Variants in CSMD1 observed in about 807,000 individuals in gnomAD.
The protein encoded by CSMD1 is CUB and Sushi multiple domains 1, also known as CUB and sushi domain-containing protein 1.
A neutral mutation model predicts 417.5 loss-of-function variants in CSMD1; 213 were observed. That is an observed-to-expected ratio of 0.51 (90% confidence interval 0.46 to 0.57). CSMD1 has a LOEUF of 0.57. CSMD1 is among the 20% of genes least tolerant of loss of function. CSMD1 has a pLI of 0.00. For missense variants in CSMD1, 6,923 were observed against 4,529.7 expected, an observed-to-expected ratio of 1.53 and a Z score of -15.17; for synonymous variants, 2,862 against 1,736.8, an observed-to-expected ratio of 1.65 and a Z score of -16.11.
chr8:4,748,663 G>C (rs1001053894), intron 1 of CSMD1, among the ~76,000 whole-genome samples: 52 of 152,136 alleles, frequency 3.4e-4, no homozygotes, highest in South Asian at 2.1e-4. Flanking sequence ...TAAATTTTTA[G>C]TCTAAAATTC....
At chr8:4,093,933 C>G (rs894955614) in intron 3 of CSMD1, among the ~76,000 whole-genome samples, 2 of 151,462 alleles carry the variant, frequency 1.3e-5, no homozygotes, top group Non-Finnish European at 2.9e-5. Flanking sequence ...ACGCTCCAAC[C>G]TGAGCAAAAG....
At chr8:4,931,649 A>G (rs1376879278) in intron 1 of CSMD1, among the ~76,000 whole-genome samples, 1 of 152,182 alleles carries the variant, frequency 6.6e-6, no homozygotes, top group Non-Finnish European at 1.5e-5. Context: ...CCTTTGGAAA[A>G]AGGGATTAGA....
intron 2 of CSMD1, among the ~76,000 whole-genome samples, chr8:4,542,608 T>C (rs1053653910): frequency 1.3e-5 from 2 of 152,208 alleles, no homozygotes; most frequent in African/African-American, 4.8e-5. Context: ...TTTTTCAATG[T>C]AACTTCTTCA....
chr8:3,874,278 C>T (rs551320865), intron 5 of CSMD1, among the ~76,000 whole-genome samples: 4 of 152,290 alleles, frequency 2.6e-5, no homozygotes, highest in African/African-American at 9.6e-5. Flanking sequence ...CTCAAGGTCC[C>T]TGTGTCCCTG....
At chr8:3,618,839 G>A (rs73491501) in intron 7 of CSMD1, among the ~76,000 whole-genome samples, 2,818 of 152,326 alleles carry the variant, frequency 0.018, 95 homozygotes, top group African/African-American at 0.065. Flanking sequence ...GTGCAGTTGA[G>A]AGGAAGCGGC....
At chr8:4,079,685 C>T (rs773936533) in intron 3 of CSMD1, among the ~76,000 whole-genome samples, 6 of 152,168 alleles carry the variant, frequency 3.9e-5, no homozygotes, top group Non-Finnish European at 7.3e-5. Flanking sequence ...TTAATTTATT[C>T]CTGTAGTAAA....
chr8:3,818,123 C>A (rs757075011), intron 5 of CSMD1, among the ~76,000 whole-genome samples: 20 of 152,072 alleles, frequency 1.3e-4, no homozygotes, highest in African/African-American at 4.3e-4. Flanking sequence ...AGCCCAGGAC[C>A]CAAAGAGAGT....
intron 2 of CSMD1, among the ~76,000 whole-genome samples, chr8:4,426,524 G>C (rs1018919637): frequency 6.8e-6 from 1 of 146,706 alleles, no homozygotes; most frequent in East Asian, 2.0e-4. Context: ...AAAGACTGTA[G>C]TATTTTATAC....
intron 8 of CSMD1, 30 bp from the exon 9 acceptor site, chr8:3,586,290 C>G: frequency 6.5e-7 from 1 of 1,533,522 alleles, no homozygotes; most frequent in Non-Finnish European, 8.7e-7. Context: ...AAAAAAAAAC[C>G]CAAATTATTT....
intron 23 of CSMD1, among the ~76,000 whole-genome samples, chr8:3,311,595 G>A (rs1805351082): frequency 6.6e-6 from 1 of 152,176 alleles, no homozygotes; most frequent in Non-Finnish European, 1.5e-5. Flanking sequence ...GACGATTTGT[G>A]CTAGTATTGA....
At chr8:4,654,769 C>G (rs933151383) in intron 1 of CSMD1, among the ~76,000 whole-genome samples, 1 of 152,000 alleles carries the variant, frequency 6.6e-6, no homozygotes, top group Non-Finnish European at 1.5e-5. Flanking sequence ...TTTTGGGTCC[C>G]TTCTGTGTAC....
rs1192790360 is a variant in CSMD1 at position 4,055,503 on chromosome 8, AAG to A, written c.416-23406_416-23405del. Among the ~76,000 whole-genome samples the A allele has an allele frequency of 5.7e-5, 8 of 141,086 alleles. No individual in the cohort carries two copies. The East Asian group carries it at 6.5e-4, about 11-fold the overall frequency. 92.6% of individuals were successfully genotyped at this position (141,086 alleles called of 152,430 possible). A position where few individuals can be genotyped will look rare whatever the true frequency, so the allele number is the denominator to read the frequency against. The stretch of plus-strand genomic sequence containing the variant: ...CATATGTAAAGCATTTCATATAAAT[AAG>A]AGTCAAAATCAGCTCAAATTTAATA... On this transcript the variant is annotated intron_variant, in intron 3 of 69. Transcript: ENST00000635120.
intron 15 of CSMD1, among the ~76,000 whole-genome samples, chr8:3,401,542 G>A (rs1394907629): frequency 6.6e-6 from 1 of 152,100 alleles, no homozygotes; most frequent in Non-Finnish European, 1.5e-5. Flanking sequence ...TAAGTAAATA[G>A]TAAGTAATAA....
At chr8:3,620,150 A>G (rs1377954800) in intron 7 of CSMD1, among the ~76,000 whole-genome samples, 1 of 152,186 alleles carries the variant, frequency 6.6e-6, no homozygotes, top group Non-Finnish European at 1.5e-5. Flanking sequence ...TAATATATTT[A>G]ATTGCTGAAA....
chr8:4,104,074 C>A (rs1185899669), intron 3 of CSMD1, among the ~76,000 whole-genome samples: 3 of 152,212 alleles, frequency 2.0e-5, no homozygotes, highest in Non-Finnish European at 4.4e-5. Context: ...AATAGGTTCT[C>A]CCTCAAGACA....
intron 5 of CSMD1, among the ~76,000 whole-genome samples, chr8:3,853,655 C>T (rs1049824154): frequency 5.3e-5 from 8 of 151,900 alleles, no homozygotes; most frequent in African/African-American, 1.9e-4. Flanking sequence ...CTCCGAAGGA[C>T]CATCTTCCCT....
At chr8:3,391,440 A>T (rs1219196845) in intron 17 of CSMD1, among the ~76,000 whole-genome samples, 1 of 152,240 alleles carries the variant, frequency 6.6e-6, no homozygotes, top group African/African-American at 2.4e-5. Context: ...TGACAATTTT[A>T]AAGTGGTGAT....
chr8:3,480,279 T>G (rs554921835), intron 11 of CSMD1, among the ~76,000 whole-genome samples: 10 of 152,160 alleles, frequency 6.6e-5, no homozygotes, highest in African/African-American at 9.7e-5. Context: ...GAAGAATTGC[T>G]TGAACCCAGG....
intron 10 of CSMD1, among the ~76,000 whole-genome samples, chr8:3,556,544 AC>A (rs1799159773): frequency 1.4e-5 from 2 of 141,216 alleles, no homozygotes; most frequent in South Asian, 4.3e-4. Flanking sequence ...ACACACACAC[AC>A]ACACACCCTC....
Sources: allele counts gnomAD v4.1 joint callset (sites outside exome capture counted in the v4.1 genomes callset), GRCh38; gene constraint gnomAD v4.1.1; transcripts MANE v1.5; gene names NCBI Gene and HGNC (gene_info 2026-07-23, HGNC 2026-07-21).